IKZF1: variants seen among roughly 807,000 people sequenced by gnomAD.
IKZF1 encodes DNA-binding protein Ikaros.
A neutral mutation model predicts 51.7 loss-of-function variants in IKZF1; 10 were observed. The ratio of observed to expected loss-of-function variants is 0.19; its 90% CI spans 0.12 to 0.33. The LOEUF (loss-of-function observed/expected upper bound fraction) is 0.33, where lower values mean the gene tolerates loss of function less well. IKZF1 is among the 10% of genes least tolerant of loss of function. The pLI is 1.00. For synonymous variants in IKZF1, 280 were observed against 282.3 expected (o/e 0.99, Z 0.08); for missense variants, 484 against 707.5 (o/e 0.68, Z 3.58).
chr7:50,332,644 A>C (rs1796669029), intron 3 of IKZF1, among the ~76,000 whole-genome samples: 1 of 152,194 alleles, frequency 6.6e-6, no homozygotes, highest in African/African-American at 2.4e-5. Context: ...CTGAACTGGG[A>C]CCATGATTGA....
chr7:50,356,565 CTGT>C (rs1178981646), intron 3 of IKZF1, among the ~76,000 whole-genome samples: 1 of 152,170 alleles, frequency 6.6e-6, no homozygotes. Context: ...GGCTGTGTGT[CTGT>C]GCGTGTGCAT....
At chr7:50,388,140 G>A (rs1390367139) in intron 6 of IKZF1, among the ~76,000 whole-genome samples, 2 of 152,074 alleles carry the variant, frequency 1.3e-5, no homozygotes, top group Non-Finnish European at 2.9e-5. Context: ...GAAAAAGGCT[G>A]GATTTATCTG....
At chr7:50,327,974 C>G (rs753276411) in intron 3 of IKZF1, 2 of 521,450 alleles carry the variant, frequency 3.8e-6, no homozygotes, top group Admixed American at 7.6e-5. Flanking sequence ...CCACACACCC[C>G]GCAAAATGTC....
At chr7:50,345,411 A>G (rs1800102627) in intron 3 of IKZF1, among the ~76,000 whole-genome samples, 1 of 152,198 alleles carries the variant, frequency 6.6e-6, no homozygotes, top group Non-Finnish European at 1.5e-5. Flanking sequence ...TCCGTTGTGG[A>G]GCTAAACAAA....
At chr7:50,311,312 T>G (rs1438020789) in intron 1 of IKZF1, among the ~76,000 whole-genome samples, 1 of 152,328 alleles carries the variant, frequency 6.6e-6, no homozygotes, top group East Asian at 1.9e-4. Flanking sequence ...CAACAATGAA[T>G]CCCCTAATGT....
rs2153518519 is a variant in IKZF1, at chr7:50,400,200, A to G, written c.1133A>G (p.Lys378Arg). The G allele has an allele frequency of 6.3e-7, 1 of 1,580,204 alleles. No individual in the cohort carries two copies. The highest frequency in any genetic ancestry group is 8.6e-7 in the Non-Finnish European group (1 of 1,164,242). The part of the protein sequence containing the change: ...SAVENLLLLS[K>R]AKLVPSEREA... Reference sequence around the variant, plus strand: ...GTGGAGAACCTGCTGCTGCTCTCCAAGGCCAAGTTGGTGCCCTCGGAGCGC... The same window carrying G: ...GTGGAGAACCTGCTGCTGCTCTCCAGGGCCAAGTTGGTGCCCTCGGAGCGC... The change falls in exon 8 of 8, where the codon AAG becomes AGG. Residue 378 changes from lysine (K) to arginine (R), a missense_variant. Physicochemically the swap from Lys to Arg is conservative, Grantham distance 26. Coordinates refer to ENST00000331340, the MANE Select transcript of IKZF1 (RefSeq NM_006060.6). The surrounding 1 kb of genome is among the most constrained non-coding windows in gnomAD (Gnocchi z 5.4).
intron 3 of IKZF1, among the ~76,000 whole-genome samples, chr7:50,349,447 A>G (rs1349672216): frequency 1.3e-5 from 2 of 152,256 alleles, no homozygotes; most frequent in Admixed American, 6.5e-5. Context: ...TTATGTACCT[A>G]TAAGAATGGG....
intron 7 of IKZF1, among the ~76,000 whole-genome samples, chr7:50,396,818 C>A (rs1022511330): frequency 6.6e-6 from 1 of 152,192 alleles, no homozygotes; most frequent in South Asian, 2.1e-4. Context: ...TCTCCCTCAT[C>A]TGAAATTTAG....
At chr7:50,304,952 GA>G (rs1436616437) in intron 1 of IKZF1, 30 bp downstream of exon 1, 1 of 152,514 alleles carries the variant, frequency 6.6e-6, no homozygotes, top group East Asian at 1.9e-4. Context: ...ATTTCAATAG[GA>G]AAACTTGGGG....
chr7:50,317,111 T>C (rs1167162972), intron 1 of IKZF1, among the ~76,000 whole-genome samples: 2 of 152,234 alleles, frequency 1.3e-5, no homozygotes, highest in African/African-American at 4.8e-5. Flanking sequence ...ATTATGAGCA[T>C]TTTCTTGCCT....
chr7:50,378,916 G>C (rs141822074), intron 4 of IKZF1, among the ~76,000 whole-genome samples: 99 of 152,306 alleles, frequency 6.5e-4, no homozygotes, highest in Non-Finnish European at 1.2e-3. Flanking sequence ...GAAATACCTG[G>C]TTTGGCCAAA....
chr7:50,394,582 G>C (rs781087052), intron 7 of IKZF1, among the ~76,000 whole-genome samples: 2 of 152,176 alleles, frequency 1.3e-5, no homozygotes, highest in Admixed American at 1.3e-4. Flanking sequence ...GTGTGGGTCT[G>C]TTGCCCTGCC....
At chr7:50,384,671 C>T (rs919885276) in intron 5 of IKZF1, among the ~76,000 whole-genome samples, 4 of 152,234 alleles carry the variant, frequency 2.6e-5, no homozygotes, top group African/African-American at 7.2e-5. Context: ...ATAAGCAAGG[C>T]CCATGGAGGC....
Position 50,327,675 on chromosome 7 carries a change from G to C in IKZF1, c.78G>C (p.Glu26Asp), listed in dbSNP as rs1284126054. The C allele has an allele frequency of 6.2e-7, 1 of 1,613,420 alleles. No homozygotes were observed. The highest frequency in any genetic ancestry group is 8.5e-7 in the Non-Finnish European group (1 of 1,179,714). Reference protein sequence around the residue: ...ESPPVSDTPDEGDEPMPIPED... With the variant: ...ESPPVSDTPDDGDEPMPIPED... ...CCCCTGTAAGCGATACTCCAGATGA[G>C]GGCGATGAGCCCATGCCGATCCCCG... is the stretch of plus-strand genomic sequence containing the variant. The change falls in exon 3 of 8, where the codon GAG becomes GAC. Residue 26 changes from glutamate to aspartate, a missense_variant. Physicochemically the swap from Glu to Asp is conservative, Grantham distance 45. Coordinates refer to ENST00000331340, the MANE Select transcript of IKZF1 (RefSeq NM_006060.6).
intron 2 of IKZF1, among the ~76,000 whole-genome samples, chr7:50,319,878 C>A (rs183929672): frequency 2.6e-5 from 4 of 152,312 alleles, no homozygotes; most frequent in African/African-American, 4.8e-5. Context: ...TGGCTGAGCG[C>A]CCTCGTGTTT....
intron 4 of IKZF1, among the ~76,000 whole-genome samples, chr7:50,380,324 G>A (rs2153474635): frequency 6.6e-6 from 1 of 152,338 alleles, no homozygotes; most frequent in South Asian, 2.1e-4. Context: ...CAGGATCCAA[G>A]TGAACCCCTG....
intron 1 of IKZF1, among the ~76,000 whole-genome samples, chr7:50,307,193 T>C (rs1789015991): frequency 6.6e-6 from 1 of 152,244 alleles, no homozygotes; most frequent in Admixed American, 6.5e-5. Context: ...TGTTGCATAA[T>C]TGTACGTATT....
intron 3 of IKZF1, among the ~76,000 whole-genome samples, chr7:50,331,223 G>A (rs1238401014): frequency 6.6e-6 from 1 of 152,112 alleles, no homozygotes; most frequent in Admixed American, 6.6e-5. Flanking sequence ...GAGAACAGAT[G>A]ACCAGCACCA....
At chr7:50,347,386 T>A (rs933390400) in intron 3 of IKZF1, among the ~76,000 whole-genome samples, 1 of 152,214 alleles carries the variant, frequency 6.6e-6, no homozygotes, top group Admixed American at 6.5e-5. Flanking sequence ...CCTCCCTGTC[T>A]GCACAAGCAC....
Sources: gnomAD v4.1 joint callset for allele counts (sites outside exome capture counted in the v4.1 genomes callset) on GRCh38, gnomAD v4.1.1 for gene constraint, Gnocchi (gnomAD v3.1) non-coding constraint, MANE v1.5 for transcripts, NCBI Gene and HGNC (gene_info 2026-07-23, HGNC 2026-07-21) for gene names.